The following RBFOX2 variants were observed in gnomAD, a reference collection of about 807,000 sequenced individuals.
RBFOX2 encodes RNA binding fox-1 homolog 2.
In RBFOX2, 10 loss-of-function variants were observed where a neutral mutation model predicts 49.1. The observed-to-expected ratio is 0.20, with a 90% confidence interval of 0.13 to 0.35. The LOEUF (loss-of-function observed/expected upper bound fraction) is 0.35. Ranked by LOEUF, RBFOX2 falls within the 10% of genes least tolerant of loss-of-function variation. The pLI, the probability that RBFOX2 is intolerant of heterozygous loss-of-function variation, is 1.00. For synonymous variants in RBFOX2, 183 were observed against 187.4 expected (o/e 0.98, Z 0.19); for missense variants, 323 against 486.9 (o/e 0.66, Z 3.17).
intron 1 of RBFOX2, among the ~76,000 whole-genome samples, chr22:35,958,117 T>C (rs916865154): frequency 5.3e-5 from 8 of 152,224 alleles, no homozygotes; most frequent in Admixed American, 2.0e-4. Flanking sequence ...AAAGTCATTA[T>C]AGACAAAATA....
At chr22:36,024,539 G>C (rs945059883) in intron 1 of RBFOX2, among the ~76,000 whole-genome samples, 1 of 151,980 alleles carries the variant, frequency 6.6e-6, no homozygotes, top group Non-Finnish European at 1.5e-5. Flanking sequence ...TCAGGAGTTC[G>C]AGACCAGCCT....
chr22:35,816,765 G>GA (rs981136696), intron 1 of RBFOX2, among the ~76,000 whole-genome samples: 3 of 152,078 alleles, frequency 2.0e-5, no homozygotes, highest in Non-Finnish European at 4.4e-5. Flanking sequence ...ATTAGTTTAA[G>GA]AAAAAAATGT....
intron 1 of RBFOX2, among the ~76,000 whole-genome samples, chr22:35,831,252 G>T (rs1448363408): frequency 6.6e-6 from 1 of 152,112 alleles, no homozygotes; most frequent in Non-Finnish European, 1.5e-5. Context: ...GACCATCCTG[G>T]CTAACATGGT....
intron 1 of RBFOX2, among the ~76,000 whole-genome samples, chr22:35,864,256 A>C (rs957272222): frequency 6.6e-6 from 1 of 152,212 alleles, no homozygotes; most frequent in African/African-American, 2.4e-5. Context: ...TATATCTAGG[A>C]ATCTGAGTAA....
At chr22:35,892,268 G>A (rs995736367) in intron 1 of RBFOX2, among the ~76,000 whole-genome samples, 11 of 152,306 alleles carry the variant, frequency 7.2e-5, no homozygotes, top group African/African-American at 2.2e-4. Flanking sequence ...ACTTGGAAAT[G>A]GCAGGGGTGG....
upstream of RBFOX2, chr22:35,939,008 G>T: frequency 9.4e-7 from 1 of 1,066,790 alleles, no homozygotes; most frequent in African/African-American, 1.6e-5. Context: ...TTCCTAAAAT[G>T]TTCCATTAAC....
At chr22:36,028,507 G>A (rs2059538257) in exon 1 of RBFOX2, 1 of 1,045,432 alleles carries the variant, frequency 9.6e-7, no homozygotes, top group East Asian at 7.5e-5. Context: ...CGACTGTCGC[G>A]ACAGGCGGGC....
chr22:35,948,691 A>T (rs890910176), intron 1 of RBFOX2, among the ~76,000 whole-genome samples: 88 of 152,080 alleles, frequency 5.8e-4, no homozygotes, highest in Admixed American at 1.4e-3. Context: ...TCAAAAAAAA[A>T]TTTTTTTTAA....
intron 1 of RBFOX2, among the ~76,000 whole-genome samples, chr22:36,026,286 A>C (rs1289299174): frequency 2.1e-5 from 3 of 145,146 alleles, no homozygotes; most frequent in African/African-American, 8.4e-5. Flanking sequence ...GTATAGAAAG[A>C]AAATAAAATA....
chr22:35,969,270 A>T (rs550991916), intron 1 of RBFOX2, among the ~76,000 whole-genome samples: 1 of 149,052 alleles, frequency 6.7e-6, no homozygotes, highest in African/African-American at 2.5e-5. Flanking sequence ...TCCATTAATT[A>T]AAAAAAAAAG....
intron 1 of RBFOX2, among the ~76,000 whole-genome samples, chr22:35,911,536 A>T (rs1283833589): frequency 6.6e-6 from 1 of 152,210 alleles, no homozygotes. Flanking sequence ...ACATTCTCTA[A>T]TCAGAGGAAA....
At chr22:35,943,233 T>G (rs905415683), upstream of RBFOX2, among the ~76,000 whole-genome samples, 1 of 152,188 alleles carries the variant, frequency 6.6e-6, no homozygotes, top group Non-Finnish European at 1.5e-5. Flanking sequence ...ATTATGATTA[T>G]CTAATGATAT....
chr22:35,769,193 G>GA (rs1311464065), intron 4 of RBFOX2, among the ~76,000 whole-genome samples: 4 of 152,010 alleles, frequency 2.6e-5, no homozygotes, highest in Non-Finnish European at 5.9e-5. Context: ...TATATATAGA[G>GA]AAAAAAGGAA....
At chr22:35,832,772 C>T (rs1957029311) in intron 1 of RBFOX2, among the ~76,000 whole-genome samples, 1 of 152,156 alleles carries the variant, frequency 6.6e-6, no homozygotes, top group South Asian at 2.1e-4. Flanking sequence ...GCGCAGATTG[C>T]AGTGAGCCAA....
At chr22:35,821,869 T>C (rs1357849033) in intron 1 of RBFOX2, 2 of 518,796 alleles carry the variant, frequency 3.9e-6, no homozygotes, top group African/African-American at 3.9e-5. Flanking sequence ...AGTTAACTGT[T>C]TGTATGGCAA....
chr22:35,973,659 A>G (rs2056997927), intron 1 of RBFOX2, among the ~76,000 whole-genome samples: 1 of 152,234 alleles, frequency 6.6e-6, no homozygotes, highest in East Asian at 1.9e-4. Context: ...TACACACAGT[A>G]TCTGCTCTTA....
At chr22:35,983,637 CA>C (rs960569252) in intron 1 of RBFOX2, among the ~76,000 whole-genome samples, 1 of 152,026 alleles carries the variant, frequency 6.6e-6, no homozygotes, top group Non-Finnish European at 1.5e-5. Context: ...TACGGCTACA[CA>C]AAAAAATTTC....
chr22:35,889,517 T>C (rs1320574164), intron 1 of RBFOX2, among the ~76,000 whole-genome samples: 1 of 152,218 alleles, frequency 6.6e-6, no homozygotes, highest in Non-Finnish European at 1.5e-5. Context: ...CAGCCCATTC[T>C]ATCATGACCT....
chr22:35,814,711 A>C (rs1465433497), intron 1 of RBFOX2, among the ~76,000 whole-genome samples: 1 of 91,304 alleles, frequency 1.1e-5, no homozygotes, highest in Non-Finnish European at 2.0e-5. Context: ...ACCCTGTCTC[A>C]AAAAAAAAAA....
Sources: gnomAD v4.1 joint callset for allele counts (sites outside exome capture counted in the v4.1 genomes callset) on GRCh38, gnomAD v4.1.1 for gene constraint, MANE v1.5 for transcripts, NCBI Gene and HGNC (gene_info 2026-07-23, HGNC 2026-07-21) for gene names.